Variants in IL1RAPL1 observed in about 807,000 individuals in gnomAD.
The protein encoded by IL1RAPL1 is interleukin-1 receptor accessory protein-like 1.
A neutral mutation model predicts 48.4 loss-of-function variants in IL1RAPL1; 3 were observed. That is an observed-to-expected ratio of 0.06 (90% confidence interval 0.03 to 0.16). The LOEUF (loss-of-function observed/expected upper bound fraction) is 0.16. Ranked by LOEUF, IL1RAPL1 falls within the 10% of genes least tolerant of loss-of-function variation. IL1RAPL1 has a pLI of 1.00. For synonymous variants in IL1RAPL1, 185 were observed against 187.7 expected (o/e 0.99, Z 0.12); for missense variants, 349 against 530.6 (o/e 0.66, Z 3.36).
intron 3 of IL1RAPL1, among the ~76,000 whole-genome samples, chrX:29,326,833 T>G (rs1932845586): frequency 8.9e-6 from 1 of 112,260 alleles, no homozygotes; most frequent in African/African-American, 3.2e-5. Flanking sequence ...GGCTGGAATC[T>G]ATACCAATTT....
intron 1 of IL1RAPL1, among the ~76,000 whole-genome samples, chrX:28,735,307 A>G (rs912727596): frequency 2.8e-5 from 3 of 107,025 alleles, no homozygotes; most frequent in Admixed American, 2.0e-4. Context: ...TCTATAGAGT[A>G]TTTTTTTTTT....
chrX:29,332,095 C>CTTTTTTTTTTTTTT (rs72360733), intron 3 of IL1RAPL1, among the ~76,000 whole-genome samples: 3 of 27,887 alleles, frequency 1.1e-4, no homozygotes, highest in Non-Finnish European at 1.3e-4. Flanking sequence ...ATTCTAAGGT[C>CTTTTTTTTTTTTTT]TTTTTTTTTT....
At chrX:29,240,220 ATATATTTTTTTT>A (rs1388812592) in intron 2 of IL1RAPL1, among the ~76,000 whole-genome samples, 13 of 19,571 alleles carry the variant, frequency 6.6e-4, no homozygotes, top group African/African-American at 2.6e-3. Context: ...ATATATATAT[ATATATTTTTTTT>A]TTTTTTTTTT....
intron 9 of IL1RAPL1, among the ~76,000 whole-genome samples, chrX:29,952,593 T>A (rs1933340977): frequency 8.9e-6 from 1 of 112,501 alleles, no homozygotes; most frequent in Non-Finnish European, 1.9e-5. Context: ...GCTTTCATGA[T>A]TTCTTACTCA....
At chrX:28,801,958 G>T (rs1341823576) in intron 2 of IL1RAPL1, among the ~76,000 whole-genome samples, 1 of 111,541 alleles carries the variant, frequency 9.0e-6, no homozygotes, top group Non-Finnish European at 1.9e-5. Flanking sequence ...GTATATACCT[G>T]ACACTTTTTT....
chrX:29,932,711 T>C (rs1932967209), intron 8 of IL1RAPL1, among the ~76,000 whole-genome samples: 1 of 112,025 alleles, frequency 8.9e-6, no homozygotes, highest in African/African-American at 3.2e-5. Context: ...TAATGTAGCA[T>C]TTCTTATATA....
intron 6 of IL1RAPL1, among the ~76,000 whole-genome samples, chrX:29,827,182 A>G (rs987781763): frequency 2.7e-5 from 3 of 112,148 alleles, no homozygotes. Context: ...TGCTGATGCT[A>G]CTTGTTCCTG....
intron 5 of IL1RAPL1, among the ~76,000 whole-genome samples, chrX:29,562,693 A>G (rs1922275731): frequency 8.9e-6 from 1 of 111,863 alleles, no homozygotes; most frequent in African/African-American, 3.2e-5. Flanking sequence ...CTGTTTTGCA[A>G]ATTAGAGAGT....
intron 5 of IL1RAPL1, among the ~76,000 whole-genome samples, chrX:29,664,403 CAAAAA>C (rs569100581): frequency 2.5e-5 from 1 of 40,735 alleles, no homozygotes; most frequent in Non-Finnish European, 5.0e-5. Flanking sequence ...GACTCCGTCT[CAAAAA>C]AAAAAAAAAA....
intron 5 of IL1RAPL1, among the ~76,000 whole-genome samples, chrX:29,424,511 T>A (rs1463095224): frequency 9.0e-6 from 1 of 111,554 alleles, no homozygotes; most frequent in Non-Finnish European, 1.9e-5. Context: ...GTTAACCGTC[T>A]TTCTTTAAGA....
At chrX:29,456,326 GGAGTACAGA>G in intron 5 of IL1RAPL1, among the ~76,000 whole-genome samples, 1 of 111,662 alleles carries the variant, frequency 9.0e-6, no homozygotes, top group East Asian at 2.8e-4. Flanking sequence ...TTCTGGGGTG[GGAGTACAGA>G]GAGATGCATC....
intron 5 of IL1RAPL1, 147 bp from the exon 6 acceptor site, chrX:29,668,283 T>C (rs769649143): frequency 2.0e-4 from 105 of 512,314 alleles, no homozygotes; most frequent in South Asian, 3.7e-4. Context: ...GAAGGTGTTA[T>C]CTGCAGTATG....
At chrX:28,746,016 C>A (rs980241818) in intron 1 of IL1RAPL1, among the ~76,000 whole-genome samples, 2 of 111,123 alleles carry the variant, frequency 1.8e-5, no homozygotes, top group South Asian at 3.8e-4. Context: ...CTTATAAAAT[C>A]AAAAATTGTA....
At chrX:29,798,878 G>A (rs188743015) in intron 6 of IL1RAPL1, among the ~76,000 whole-genome samples, 93 of 112,119 alleles carry the variant, frequency 8.3e-4, no homozygotes, top group Middle Eastern at 4.6e-3. Flanking sequence ...GCTTTATAAG[G>A]CCACAGAACA....
intron 5 of IL1RAPL1, among the ~76,000 whole-genome samples, chrX:29,467,416 G>T (rs1934874579): frequency 8.9e-6 from 1 of 112,305 alleles, no homozygotes; most frequent in Admixed American, 9.4e-5. Flanking sequence ...TTATCCACAG[G>T]CATATTGAGA....
intron 2 of IL1RAPL1, among the ~76,000 whole-genome samples, chrX:28,942,850 A>G (rs967002114): frequency 6.4e-5 from 7 of 110,041 alleles, no homozygotes; most frequent in Admixed American, 5.9e-4. Context: ...AAAACGGACA[A>G]TTTTGCCTCA....
chrX:29,778,879 G>A (rs1929270331), intron 6 of IL1RAPL1, among the ~76,000 whole-genome samples: 1 of 111,913 alleles, frequency 8.9e-6, no homozygotes, highest in South Asian at 3.7e-4. Flanking sequence ...AAATTGTACA[G>A]GAGAGATAAT....
intron 3 of IL1RAPL1, among the ~76,000 whole-genome samples, chrX:29,365,135 A>G (rs1284671284): frequency 8.9e-6 from 1 of 111,943 alleles, no homozygotes; most frequent in South Asian, 3.7e-4. Context: ...GTGATGTAGT[A>G]AAGGATGCTA....
intron 6 of IL1RAPL1, among the ~76,000 whole-genome samples, chrX:29,871,881 G>A (rs945665750): frequency 9.1e-6 from 1 of 110,209 alleles, no homozygotes; most frequent in Non-Finnish European, 1.9e-5. Flanking sequence ...CCACCACCAC[G>A]CCGGGCTAAT....
Sources: gnomAD v4.1 joint callset for allele counts (sites outside exome capture counted in the v4.1 genomes callset) on GRCh38, gnomAD v4.1.1 for gene constraint, MANE v1.5 for transcripts, NCBI Gene and HGNC (gene_info 2026-07-23, HGNC 2026-07-21) for gene names.